KIAA1958: variants seen among roughly 807,000 people sequenced by gnomAD.
KIAA1958 encodes KIAA1958, also known as uncharacterized protein KIAA1958.
KIAA1958 carries 14 observed loss-of-function variants against 47.2 expected under a neutral mutation model. That is an observed-to-expected ratio of 0.30 (90% CI 0.20 to 0.46). The LOEUF (loss-of-function observed/expected upper bound fraction) is 0.46. KIAA1958 is among the 20% of genes least tolerant of loss of function. The pLI is 1.00. For missense variants in KIAA1958, 803 were observed against 909.2 expected (o/e 0.88, Z 1.50); for synonymous variants, 354 against 353.3 (o/e 1.00, Z -0.02).
chr9:112,584,395 T>A (rs1835787267), intron 2 of KIAA1958, among the ~76,000 whole-genome samples: 1 of 152,206 alleles, frequency 6.6e-6, no homozygotes, highest in African/African-American at 2.4e-5. Flanking sequence ...TGATTACTTT[T>A]AAAAATAGAT....
intron 2 of KIAA1958, among the ~76,000 whole-genome samples, chr9:112,628,680 T>C (rs1836660641): frequency 1.3e-5 from 2 of 152,258 alleles, no homozygotes; most frequent in Admixed American, 1.3e-4. Context: ...TGAGTCCTGC[T>C]CTTGGATTTA....
intron 1 of KIAA1958, among the ~76,000 whole-genome samples, chr9:112,534,363 GT>G (rs1834815863): frequency 6.6e-6 from 1 of 152,044 alleles, no homozygotes; most frequent in African/African-American, 2.4e-5. Flanking sequence ...ATTATTGCAC[GT>G]TTTAGTATCA....
At chr9:112,651,043 ATAAAACT>A (rs1236947716) in intron 3 of KIAA1958, among the ~76,000 whole-genome samples, 4 of 152,206 alleles carry the variant, frequency 2.6e-5, no homozygotes, top group African/African-American at 9.6e-5. Flanking sequence ...GCAAAAGATG[ATAAAACT>A]TAAAGGAAAA....
At chr9:112,560,182 CT>C (rs1455028604) in intron 1 of KIAA1958, among the ~76,000 whole-genome samples, 11 of 136,080 alleles carry the variant, frequency 8.1e-5, no homozygotes. Context: ...TTTGAAGCTG[CT>C]TTTTTTTTCT....
At chr9:112,580,966 G>C (rs1044811856) in intron 2 of KIAA1958, among the ~76,000 whole-genome samples, 1 of 152,082 alleles carries the variant, frequency 6.6e-6, no homozygotes, top group Non-Finnish European at 1.5e-5. Context: ...CACAAACCGG[G>C]TACACATCTG....
rs189491501 is a variant in KIAA1958, at chr9:112,623,887, T to C, written c.1172-21763T>C. Reference sequence around the variant, plus strand: ...AATTAGAGGTAGACTGTGAACCTATTCAGATTTTTTCTGGTTCGACTATCT... The same window carrying C: ...AATTAGAGGTAGACTGTGAACCTATCCAGATTTTTTCTGGTTCGACTATCT... On this transcript the variant is annotated intron_variant, in intron 2 of 3. Transcript: ENST00000337530. 2.6e-5 allele frequency among the ~76,000 whole-genome samples: 4 copies of C among 152,290 alleles called. 1 individual carries two copies. The highest frequency in any genetic ancestry group is 2.6e-4 in the Admixed American group (4 of 15,290).
chr9:112,545,144 C>G (rs939064339), intron 1 of KIAA1958, among the ~76,000 whole-genome samples: 1 of 152,074 alleles, frequency 6.6e-6, no homozygotes, highest in African/African-American at 2.4e-5. Flanking sequence ...AAGTTTCATC[C>G]TTAGTTTTTC....
intron 2 of KIAA1958, among the ~76,000 whole-genome samples, chr9:112,587,212 C>T (rs746988384): frequency 2.0e-5 from 3 of 152,058 alleles, no homozygotes; most frequent in Non-Finnish European, 4.4e-5. Flanking sequence ...TGCAGTGGCG[C>T]GATCTCGACT....
At chr9:112,530,639 T>C (rs989565472) in intron 1 of KIAA1958, among the ~76,000 whole-genome samples, 1 of 152,248 alleles carries the variant, frequency 6.6e-6, no homozygotes, top group African/African-American at 2.4e-5. Context: ...ACCACAGTTT[T>C]ATACTTTCAA....
intron 1 of KIAA1958, among the ~76,000 whole-genome samples, chr9:112,508,630 C>T (rs1587993490): frequency 6.6e-6 from 1 of 152,292 alleles, no homozygotes; most frequent in East Asian, 1.9e-4. Context: ...GCATTTGCTC[C>T]CTGCATATGT....
chr9:112,511,730 G>T (rs995344819), intron 1 of KIAA1958, among the ~76,000 whole-genome samples: 4 of 151,934 alleles, frequency 2.6e-5, no homozygotes, highest in African/African-American at 9.7e-5. Context: ...ACCAAAAGCT[G>T]GTTCTTTGAG....
At chr9:112,609,544 TTATATA>T (rs1473504336) in intron 2 of KIAA1958, among the ~76,000 whole-genome samples, 2 of 152,046 alleles carry the variant, frequency 1.3e-5, no homozygotes, top group Admixed American at 6.6e-5. Context: ...TTGGGAAACT[TTATATA>T]TACGTAATTT....
At chr9:112,517,130 TCCATATTTAA>T (rs748003171) in intron 1 of KIAA1958, among the ~76,000 whole-genome samples, 145,049 of 151,420 alleles carry the variant, frequency 0.96, 69,553 homozygotes, top group African/African-American at 0.99. Flanking sequence ...GGAGGCAGCT[TCCATATTTAA>T]TATATTAATT....
intron 1 of KIAA1958, among the ~76,000 whole-genome samples, chr9:112,537,083 C>CCCTCTTCT (rs1349650460): frequency 1.3e-5 from 2 of 151,644 alleles, no homozygotes; most frequent in African/African-American, 4.8e-5. Context: ...CCCTCCCCTC[C>CCCTCTTCT]CCTCTTCTCC....
chr9:112,563,759 A>G (rs1435084383), intron 1 of KIAA1958, among the ~76,000 whole-genome samples: 1 of 152,070 alleles, frequency 6.6e-6, no homozygotes. Flanking sequence ...TAGGACCTCT[A>G]GTACAATGTT....
In KIAA1958 at chr9:112,575,209, G is replaced by C. The variant is rs747611480; in HGVS notation, c.1129G>C (p.Ala377Pro). The C allele has an allele frequency of 1.1e-5, 18 of 1,573,244 alleles. No homozygotes were observed. The highest frequency in any genetic ancestry group is 1.7e-5 in the Admixed American group (1 of 58,650). ...CTCCAGTCAGCAGCAGCCCCCAGTC[G>C]CTCCAGCCATAACCACTGAGGCCAC... is the stretch of plus-strand genomic sequence containing the variant. ...VSSSQQQPPV[A>P]PAITTEATAQ... The change falls in exon 2 of 4, where the codon GCT becomes CCT. Residue 377 changes from alanine (A) to proline (P), a missense_variant. Physicochemically the swap from Ala to Pro is conservative, Grantham distance 27. Transcript: ENST00000337530.
At position 112,618,975 on chromosome 9, in the gene KIAA1958, A is replaced by T; in HGVS notation, c.1172-26675A>T. On this transcript the variant is annotated intron_variant, in intron 2 of 3. Coordinates refer to ENST00000337530, the MANE Select transcript of KIAA1958 (RefSeq NM_133465.4). The surrounding 1 kb of genome is among the most constrained non-coding windows in gnomAD (Gnocchi z 7.1). ...CTGTGTCCGGAGAAACTGTGATTAT[A>T]CACCGCTTCTCGTTCCCCTTCCTGT... 6.8e-7 allele frequency: 1 copy of T among 1,461,702 alleles called. No homozygotes were observed. Among genetic ancestry groups the T allele is most frequent in the Non-Finnish European group, 9.1e-7 (1 of 1,100,298 alleles). 90.5% of individuals were successfully genotyped at this position (1,461,702 alleles called of 1,614,324 possible).
intron 1 of KIAA1958, among the ~76,000 whole-genome samples, chr9:112,512,365 T>A (rs1587995128): frequency 6.6e-6 from 1 of 152,260 alleles, no homozygotes; most frequent in African/African-American, 2.4e-5. Flanking sequence ...GAAAACAGTT[T>A]ATTATATTAA....
chr9:112,505,984 T>A (rs566057272), intron 1 of KIAA1958, among the ~76,000 whole-genome samples: 4 of 152,346 alleles, frequency 2.6e-5, no homozygotes, highest in Admixed American at 1.3e-4. Context: ...ATTCTAGCAT[T>A]TGAGTGTCCC....
Sources: gnomAD v4.1 joint callset for allele counts (sites outside exome capture counted in the v4.1 genomes callset) on GRCh38, gnomAD v4.1.1 for gene constraint, Gnocchi (gnomAD v3.1) non-coding constraint, MANE v1.5 for transcripts, NCBI Gene and HGNC (gene_info 2026-07-23, HGNC 2026-07-21) for gene names.